The following GPR153 variants were observed in gnomAD, a reference collection of about 807,000 sequenced individuals.
GPR153 encodes G protein-coupled receptor 153.
Under a neutral mutation model 34.1 loss-of-function variants are expected in GPR153, and 27 were observed. The ratio of observed to expected loss-of-function variants is 0.79; its 90% CI spans 0.58 to 1.09. The LOEUF is 1.09. Ranked by LOEUF, GPR153 falls within the 50% of genes least tolerant of loss-of-function variation. The pLI is 0.00. For missense variants in GPR153, 848 were observed against 860.2 expected (o/e 0.99, Z 0.18); for synonymous variants, 408 against 405.4 (o/e 1.01, Z -0.08).
chr1:6,249,197 A>G lies in GPR153; in HGVS notation c.*141T>C, dbSNP rs1340024573. ...AAGGCCAGCTGGGAGGAGCCGGAAG[A>G]CAAACGCTGAGGCCAACGCCCCCTC... is the stretch of plus-strand genomic sequence containing the variant. On this transcript the variant is annotated 3_prime_UTR_variant, in exon 6 of 6. Transcript: ENST00000377893. This position sits in a 1 kb window ranked among gnomAD's most constrained non-coding sequence, Gnocchi z 4.3. The G allele has an allele frequency of 3.4e-6, 2 of 587,838 alleles. No homozygotes were observed. The highest frequency in any genetic ancestry group is 5.0e-6 in the Non-Finnish European group (2 of 402,598). 36.4% of individuals were successfully genotyped at this position (587,838 alleles called of 1,614,324 possible).
chr1:6,257,266 G>T (rs1270721662), intron 1 of GPR153, among the ~76,000 whole-genome samples: 1 of 152,196 alleles, frequency 6.6e-6, no homozygotes, highest in Non-Finnish European at 1.5e-5. Context: ...ATCAGGCCAC[G>T]TAAGGACATG....
chr1:6,254,388 C>T (rs1275482678), intron 2 of GPR153, among the ~76,000 whole-genome samples, 162 bp downstream of exon 2: 3 of 152,204 alleles, frequency 2.0e-5, no homozygotes, highest in African/African-American at 7.2e-5. Context: ...TGCAAAGCTA[C>T]GTGTATGCCC....
At chr1:6,255,799 C>CCT (rs1638558161) in intron 1 of GPR153, among the ~76,000 whole-genome samples, 1 of 151,624 alleles carries the variant, frequency 6.6e-6, no homozygotes, top group African/African-American at 2.4e-5. Context: ...ATTACAGGCA[C>CCT]GCACCACCAC....
intron 1 of GPR153, among the ~76,000 whole-genome samples, chr1:6,256,319 T>C (rs899349193): frequency 2.0e-5 from 3 of 151,896 alleles, no homozygotes; most frequent in Non-Finnish European, 1.5e-5. Context: ...TTTCTCAGCT[T>C]TTCTTTTTTG....
Position 6,254,731 on chromosome 1 carries a change from C to T in GPR153, c.175G>A (p.Val59Met), listed in dbSNP as rs748399476. Residue 59 changes from valine to methionine, a missense_variant, in exon 2 of 6, where the codon GTG (valine) becomes ATG (methionine). Transcript: ENST00000377893. The part of the protein sequence containing the change: ...LAATHMLNVA[V>M]PIATYSVVQL... ...ACCACGGAGTAGGTGGCGATGGGCACGGCCACATTTAGCATGTGGGTGGCC... is the reference window on the plus strand; with the variant it reads ...ACCACGGAGTAGGTGGCGATGGGCATGGCCACATTTAGCATGTGGGTGGCC... 6.8e-6 allele frequency: 11 copies of T among 1,613,466 alleles called. No homozygotes were observed. Among genetic ancestry groups the T allele is most frequent in the Middle Eastern group, 1.6e-4 (1 of 6,084 alleles).
intron 3 of GPR153, 124 bp downstream of exon 3, chr1:6,253,593 TG>T: frequency 1.1e-6 from 1 of 883,940 alleles, no homozygotes; most frequent in Non-Finnish European, 1.7e-6. Flanking sequence ...ATCTGGAAAA[TG>T]GGGACGATGA....
chr1:6,250,832 C>A (rs1488463399), intron 4 of GPR153, among the ~76,000 whole-genome samples: 1 of 152,220 alleles, frequency 6.6e-6, no homozygotes, highest in African/African-American at 2.4e-5. Flanking sequence ...GCAGGGAGGT[C>A]ACTCACTGAG....
chr1:6,250,629 A>G lies in GPR153; in HGVS notation c.980-5T>C. The G allele has an allele frequency of 6.7e-6, 1 of 148,302 alleles. No homozygotes were observed. Among genetic ancestry groups the G allele is most frequent in the Non-Finnish European group, 1.2e-5 (1 of 80,488 alleles). The allele number at this position is 148,302 out of a possible 1,614,324, so 9.2% of individuals were successfully genotyped here. On this transcript the variant is annotated splice_polypyrimidine_tract_variant and splice_region_variant and intron_variant, in intron 4 of 5. Transcript: ENST00000377893. ...TGCCACCTTCCAGGCTGGTCTCTGT[A>G]GGGTGGGGGGTGGGTGGGGGGGCAG...
chr1:6,252,700 C>T (rs1638474861), intron 3 of GPR153, among the ~76,000 whole-genome samples: 1 of 152,192 alleles, frequency 6.6e-6, no homozygotes, highest in Admixed American at 6.5e-5. Flanking sequence ...GATGAAACCC[C>T]TCAGGCTGGT....
intron 1 of GPR153, among the ~76,000 whole-genome samples, chr1:6,260,409 C>A (rs1638649194): frequency 6.8e-6 from 1 of 147,492 alleles, no homozygotes; most frequent in African/African-American, 2.5e-5. Context: ...CGCTCCGACT[C>A]GCGTGCTCTC....
At chr1:6,257,998 C>G (rs777673673) in intron 1 of GPR153, among the ~76,000 whole-genome samples, 2 of 152,200 alleles carry the variant, frequency 1.3e-5, no homozygotes, top group Non-Finnish European at 2.9e-5. Flanking sequence ...GTACCAGATA[C>G]GCCCCATGTC....
rs1185141792 is a variant in GPR153, at chr1:6,251,078, A to T, written c.979+260T>A. On this transcript the variant is annotated intron_variant, in intron 4 of 5. Transcript: ENST00000377893. The surrounding 1 kb of genome is among the most constrained non-coding windows in gnomAD (Gnocchi z 4.9). ...GAGCTCCGCTGGAGCACTTGCAGAC[A>T]TGTCTACCCTGCTCTCTGTTAACCA... Among the ~76,000 whole-genome samples the T allele has an allele frequency of 1.3e-5, 2 of 152,136 alleles. No individual in the cohort carries two copies. Among genetic ancestry groups the T allele is most frequent in the East Asian group, 3.9e-4 (2 of 5,186 alleles).
At chr1:6,259,226 C>T (rs918657822) in intron 1 of GPR153, among the ~76,000 whole-genome samples, 1 of 152,202 alleles carries the variant, frequency 6.6e-6, no homozygotes, top group Non-Finnish European at 1.5e-5. Context: ...TGTGCCACTG[C>T]ACTCTAGCCT....
chr1:6,257,593 G>A (rs980060416), intron 1 of GPR153, among the ~76,000 whole-genome samples: 18 of 152,364 alleles, frequency 1.2e-4, no homozygotes, highest in African/African-American at 4.3e-4. Flanking sequence ...CACACTGGGT[G>A]CTCTGGGGTA....
Position 6,251,537 on chromosome 1 carries a change from G to A in GPR153, c.787-7C>T, listed in dbSNP as rs756054775. The A allele has an allele frequency of 7.6e-6, 12 of 1,583,884 alleles. No individual in the cohort carries two copies. In the South Asian group the frequency reaches 1.4e-4, roughly 18 times the overall value. On this transcript the variant is annotated splice_region_variant and splice_polypyrimidine_tract_variant and intron_variant, in intron 3 of 5. Coordinates refer to ENST00000377893, the MANE Select transcript of GPR153 (RefSeq NM_207370.4). The surrounding 1 kb of genome is among the most constrained non-coding windows in gnomAD (Gnocchi z 4.9). ...GGCTGCTGAAGCTCACCACCTGTGG[G>A]CACAGGGCTCGGCCTGGCACCTGCA...
At position 6,251,252 on chromosome 1, in the gene GPR153, C is replaced by G. The variant is rs565821091; in HGVS notation, c.979+86G>C. On this transcript the variant is annotated intron_variant, in intron 4 of 5. Transcript: ENST00000377893. This position sits in a 1 kb window ranked among gnomAD's most constrained non-coding sequence, Gnocchi z 4.9. Reference sequence around the variant, plus strand: ...GAGAATGAAGTCACCTCCTTAGTGGCGTTGCCTGACAGCCGTTTTCCTGCC... The same window carrying G: ...GAGAATGAAGTCACCTCCTTAGTGGGGTTGCCTGACAGCCGTTTTCCTGCC... 1.1e-3 allele frequency: 1,132 copies of G among 1,033,626 alleles called. 6 individuals carry two copies. The highest frequency in any genetic ancestry group is 8.3e-3 in the African/African-American group (523 of 62,650). The allele number at this position is 1,033,626 out of a possible 1,614,324, so 64.0% of individuals were successfully genotyped here.
At position 6,255,004 on chromosome 1, in the gene GPR153, AC is replaced by A; in HGVS notation, c.-100del. On this transcript the variant is annotated 5_prime_UTR_variant, in exon 2 of 6. An upstream open reading frame in the 5' UTR gains an earlier in-frame stop. Transcript: ENST00000377893. Reference sequence around the variant, plus strand: ...TCCTGGTGGCTCAAGGATGCTGGGGACCACGAGCATCTGTGGGGGGGTGGCA... The same window carrying A: ...TCCTGGTGGCTCAAGGATGCTGGGGACACGAGCATCTGTGGGGGGGTGGCA... The A allele has an allele frequency of 3.5e-6, 3 of 845,356 alleles. No individual in the cohort carries two copies. The highest frequency in any genetic ancestry group is 5.2e-6 in the Non-Finnish European group (3 of 572,222). The allele number at this position is 845,356 out of a possible 1,614,324, so 52.4% of individuals were successfully genotyped here. A position where few individuals can be genotyped will look rare whatever the true frequency, so the allele number is the denominator to read the frequency against.
chr1:6,259,595 G>A (rs1390905084), intron 1 of GPR153, among the ~76,000 whole-genome samples: 1 of 151,902 alleles, frequency 6.6e-6, no homozygotes, highest in Non-Finnish European at 1.5e-5. Flanking sequence ...AACACTTCAG[G>A]CAGAAGCTCA....
chr1:6,256,405 C>T (rs1240323085), intron 1 of GPR153, among the ~76,000 whole-genome samples: 1 of 143,846 alleles, frequency 7.0e-6, no homozygotes, highest in Non-Finnish European at 1.5e-5. Flanking sequence ...GAGTCTTGCT[C>T]TGTCGCCCAG....
Sources: gnomAD v4.1 joint callset for allele counts (sites outside exome capture counted in the v4.1 genomes callset) on GRCh38, gnomAD v4.1.1 for gene constraint, Gnocchi (gnomAD v3.1) non-coding constraint, MANE v1.5 for transcripts, NCBI Gene and HGNC (gene_info 2026-07-23, HGNC 2026-07-21) for gene names.